The following ASPRV1 variants were observed in gnomAD, a reference collection of about 807,000 sequenced individuals.
ASPRV1 encodes aspartic peptidase retroviral like 1, also known as retroviral-like aspartic protease 1.
ASPRV1 carries 7 observed loss-of-function variants against 11.0 expected under a neutral mutation model. That is an observed-to-expected ratio of 0.64 (90% CI 0.36 to 1.20). ASPRV1 has a LOEUF of 1.20. Ranked by LOEUF, ASPRV1 falls within the 50% of genes most tolerant of loss-of-function variation. ASPRV1 has a pLI of 0.02. For missense variants in ASPRV1, 299 were observed against 320.0 expected (o/e 0.93, Z 0.50); for synonymous variants, 136 against 138.4 (o/e 0.98, Z 0.12).
At chr2:70,037,109 T>A in the ASPRV1 span, among the ~76,000 whole-genome samples, 1 of 152,218 alleles carries the variant, frequency 6.6e-6, no homozygotes, top group African/African-American at 2.4e-5. Context: ...ATGGAACATT[T>A]CCTCTTGGAT....
chr2:70,055,481 A>T, the ASPRV1 span: 2 of 152,220 alleles, frequency 1.3e-5, no homozygotes, highest in Non-Finnish European at 2.9e-5. Flanking sequence ...TATCCTTTGC[A>T]GGGACATGGA....
the ASPRV1 span, among the ~76,000 whole-genome samples, chr2:69,989,235 G>A: frequency 3.3e-5 from 5 of 152,280 alleles, no homozygotes; most frequent in African/African-American, 9.6e-5. Flanking sequence ...GTCTTGCCCA[G>A]GGTGGGGTAT....
rs766043489 is a variant in ASPRV1 at position 69,961,501 on chromosome 2, G to A, written c.-65C>T. ...CAAGAAGAGAAACCCACAGAGCAGTGTCGGCGCAATCACGCTGGAAAACGG... is the reference window on the plus strand; with the variant it reads ...CAAGAAGAGAAACCCACAGAGCAGTATCGGCGCAATCACGCTGGAAAACGG... On this transcript the variant is annotated 5_prime_UTR_variant, in exon 1 of 1. Transcript: ENST00000320256. The A allele has an allele frequency of 6.2e-7, 1 of 1,614,154 alleles. No homozygotes were observed. The highest frequency in any genetic ancestry group is 8.5e-7 in the Non-Finnish European group (1 of 1,180,040).
the ASPRV1 span, among the ~76,000 whole-genome samples, chr2:69,991,641 G>A: frequency 3.3e-5 from 5 of 151,970 alleles, no homozygotes; most frequent in Admixed American, 6.6e-5. Flanking sequence ...TTCGCCTCCC[G>A]GGTTCAAGCG....
At chr2:70,013,593 T>C in the ASPRV1 span, among the ~76,000 whole-genome samples, 1 of 152,356 alleles carries the variant, frequency 6.6e-6, no homozygotes, top group East Asian at 1.9e-4. Flanking sequence ...CAGCTGTTTT[T>C]ATAAAAAGTA....
downstream of ASPRV1, among the ~76,000 whole-genome samples, chr2:69,958,149 T>C (rs976626679): frequency 6.6e-6 from 1 of 152,284 alleles, no homozygotes; most frequent in East Asian, 1.9e-4. Context: ...CAGCTGCTCA[T>C]AGTCCTGCAG....
chr2:70,064,369 T>C, the ASPRV1 span, among the ~76,000 whole-genome samples: 1 of 152,002 alleles, frequency 6.6e-6, no homozygotes, highest in East Asian at 1.9e-4. Flanking sequence ...TAGGAATTCA[T>C]GGTGAGCACA....
chr2:70,028,916 T>C, the ASPRV1 span, among the ~76,000 whole-genome samples: 1 of 151,992 alleles, frequency 6.6e-6, no homozygotes, highest in African/African-American at 2.4e-5. Flanking sequence ...CACTCCAGCC[T>C]GGGCGACAGA....
At chr2:69,941,969 A>G in the ASPRV1 span, 1 of 152,086 alleles carries the variant, frequency 6.6e-6, no homozygotes, top group South Asian at 2.1e-4. Flanking sequence ...TCTTCCCCCA[A>G]GTCTTGGTCT....
At chr2:69,956,108 G>T (rs746602678), downstream of ASPRV1, among the ~76,000 whole-genome samples, 1 of 152,164 alleles carries the variant, frequency 6.6e-6, no homozygotes, top group African/African-American at 2.4e-5. Flanking sequence ...ATGGGGACAC[G>T]TCCCAAGGAG....
At chr2:69,961,842 G>A (rs1442917661), upstream of ASPRV1, 10 of 798,872 alleles carry the variant, frequency 1.3e-5, no homozygotes, top group East Asian at 2.3e-4. Flanking sequence ...TGTTGAAGGG[G>A]GACTACCCTG....
chr2:69,961,850 C>G (rs1200851798), upstream of ASPRV1: 2 of 713,206 alleles, frequency 2.8e-6, no homozygotes, highest in Non-Finnish European at 4.7e-6. Context: ...GGGGACTACC[C>G]TGTACCCTCC....
At chr2:69,992,409 C>T in the ASPRV1 span, among the ~76,000 whole-genome samples, 1 of 152,206 alleles carries the variant, frequency 6.6e-6, no homozygotes, top group Non-Finnish European at 1.5e-5. Context: ...CATGGTATAT[C>T]ACAGCCAAGG....
chr2:70,042,624 T>C, the ASPRV1 span, among the ~76,000 whole-genome samples: 1 of 152,212 alleles, frequency 6.6e-6, no homozygotes, highest in Non-Finnish European at 1.5e-5. Flanking sequence ...CCAGGAGTTC[T>C]TCCCTACTGG....
the ASPRV1 span, among the ~76,000 whole-genome samples, chr2:70,027,908 T>C: frequency 1.3e-5 from 2 of 152,350 alleles, no homozygotes; most frequent in Non-Finnish European, 1.5e-5. Flanking sequence ...TTGGTCATTA[T>C]ACATTGTATG....
the ASPRV1 span, among the ~76,000 whole-genome samples, chr2:69,933,200 CA>C: frequency 9.2e-3 from 739 of 80,170 alleles, 10 homozygotes; most frequent in African/African-American, 0.029. Flanking sequence ...AACTCTGTCT[CA>C]AAAAAAAAAA....
the ASPRV1 span, among the ~76,000 whole-genome samples, chr2:70,057,857 A>C: frequency 1.4e-5 from 2 of 147,436 alleles, no homozygotes; most frequent in South Asian, 4.3e-4. Flanking sequence ...GCAGTGGCAC[A>C]ATCTCAGCTC....
the ASPRV1 span, chr2:69,938,342 A>G: frequency 6.4e-7 from 1 of 1,567,772 alleles, no homozygotes; most frequent in East Asian, 2.2e-5. Context: ...CTGATTAGGT[A>G]ACGTATTGGA....
At chr2:70,044,535 C>T in the ASPRV1 span, among the ~76,000 whole-genome samples, 2 of 152,236 alleles carry the variant, frequency 1.3e-5, no homozygotes, top group African/African-American at 4.8e-5. Context: ...TCTCGGCTCA[C>T]GGCAACCACC....
Sources: gnomAD v4.1 joint callset for allele counts (sites outside exome capture counted in the v4.1 genomes callset) on GRCh38, gnomAD v4.1.1 for gene constraint, MANE v1.5 for transcripts, NCBI Gene and HGNC (gene_info 2026-07-23, HGNC 2026-07-21) for gene names.